The following BICRA variants were observed in gnomAD, a reference collection of about 807,000 sequenced individuals.
The protein encoded by BICRA is BRD4 interacting chromatin remodeling complex associated protein, also known as BRD4-interacting chromatin-remodeling complex-associated protein.
In BICRA, 31 loss-of-function variants were observed where a neutral mutation model predicts 96.9. That is an observed-to-expected ratio of 0.32 (90% CI 0.24 to 0.43). The LOEUF (loss-of-function observed/expected upper bound fraction) is 0.43. BICRA is among the 20% of genes least tolerant of loss of function. BICRA has a pLI of 1.00. For missense variants in BICRA, 2,283 were observed against 2,190.3 expected (o/e 1.04, Z -0.84); for synonymous variants, 1,350 against 1,071.8 (o/e 1.26, Z -5.07).
chr19:47,696,472 C>T lies in BICRA; in HGVS notation c.3208C>T (p.Leu1070=), dbSNP rs1158546195. ...CCAGTATGAGAGCAAACTGAGTGGCCTGAAGAAGCCCCCCACGCTTCAGCC... is the reference window on the plus strand; with the variant it reads ...CCAGTATGAGAGCAAACTGAGTGGCTTGAAGAAGCCCCCCACGCTTCAGCC... ...GLQYESKLSG[L]KKPPTLQPSK... The change falls in exon 11 of 15, where the codon CTG becomes TTG. Residue 1070 remains leucine, a synonymous_variant. Coordinates refer to ENST00000594866, the MANE Select transcript of BICRA (RefSeq NM_001394372.1). 6.2e-7 allele frequency: 1 copy of T among 1,603,840 alleles called. No individual in the cohort carries two copies. Among genetic ancestry groups the T allele is most frequent in the Admixed American group, 1.7e-5 (1 of 58,706 alleles).
At chr19:47,678,288 G>A (rs889547380) in intron 5 of BICRA, among the ~76,000 whole-genome samples, 12 of 151,928 alleles carry the variant, frequency 7.9e-5, no homozygotes, top group Non-Finnish European at 1.3e-4. Context: ...GCTAATTTTC[G>A]TATTTTTAGT....
chr19:47,668,799 GCTT>G (rs1440672652), intron 1 of BICRA, among the ~76,000 whole-genome samples: 2 of 151,900 alleles, frequency 1.3e-5, no homozygotes, highest in Non-Finnish European at 2.9e-5. Context: ...CTGTCTTTGT[GCTT>G]CTTATTGGTG....
intron 1 of BICRA, chr19:47,615,624 G>GGTA (rs1445593910): frequency 5.9e-5 from 9 of 152,318 alleles, no homozygotes; most frequent in Admixed American, 3.3e-4. Context: ...AGGCTCTTGT[G>GGTA]AGGGTCCCCA....
Position 47,675,756 on chromosome 19 carries a change from C to G in BICRA, c.85-95C>G. The G allele has an allele frequency of 1.1e-6, 1 of 936,636 alleles. No individual in the cohort carries two copies. The highest frequency in any genetic ancestry group is 1.7e-6 in the Non-Finnish European group (1 of 585,018). 58.0% of individuals were successfully genotyped at this position (936,636 alleles called of 1,614,324 possible). ...AGCCCTCTCCCATCCCAACCCTTGT[C>G]TTTTTGTCCTGAGTGACCCTAAATT... is the stretch of plus-strand genomic sequence containing the variant. On this transcript the variant is annotated intron_variant, in intron 4 of 14. Transcript: ENST00000594866. The surrounding 1 kb of genome is among the most constrained non-coding windows in gnomAD (Gnocchi z 4.7).
chr19:47,609,945 C>T (rs990700331), intron 1 of BICRA, among the ~76,000 whole-genome samples: 1 of 106,330 alleles, frequency 9.4e-6, no homozygotes, highest in African/African-American at 3.9e-5. Flanking sequence ...GAGGCTCATC[C>T]CGGAGGGGGC....
intron 1 of BICRA, among the ~76,000 whole-genome samples, chr19:47,634,794 G>T (rs1414410856): frequency 1.5e-5 from 2 of 129,378 alleles, no homozygotes; most frequent in Non-Finnish European, 1.5e-5. Flanking sequence ...ACAGAGTCTC[G>T]CTCTGTCACC....
chr19:47,608,308 T>G (rs1971839761), upstream of BICRA: 1 of 152,142 alleles, frequency 6.6e-6, no homozygotes. Context: ...ACGCCTGGGG[T>G]CCCGGCCTGT....
In BICRA at chr19:47,679,767, G is replaced by T. The variant is rs1411967800; in HGVS notation, c.597G>T (p.Gln199His). The change falls in exon 6 of 15, where the codon CAG (glutamine) becomes CAT (histidine). Residue 199 changes from glutamine (Q) to histidine (H), a missense_variant. By Grantham distance (24) the Gln-to-His change is conservative (BLOSUM62 0). Transcript: ENST00000594866. Reference sequence around the variant, plus strand: ...CCCTGAGTGTGCAGCCCTTCCTGCAGCCTGTGGGCCTGGGCAATGTGACAC... The same window carrying T: ...CCCTGAGTGTGCAGCCCTTCCTGCATCCTGTGGGCCTGGGCAATGTGACAC... ...NKALSVQPFL[Q>H]PVGLGNVTLQ... is the part of the protein sequence containing the mutation. 4.0e-6 allele frequency: 6 copies of T among 1,513,466 alleles called. No individual in the cohort carries two copies. Among genetic ancestry groups the T allele is most frequent in the Non-Finnish European group, 5.3e-6 (6 of 1,132,002 alleles). 93.8% of individuals were successfully genotyped at this position (1,513,466 alleles called of 1,614,324 possible).
intron 1 of BICRA, among the ~76,000 whole-genome samples, chr19:47,646,893 T>C (rs1411803799): frequency 1.3e-5 from 2 of 152,192 alleles, no homozygotes; most frequent in Non-Finnish European, 2.9e-5. Flanking sequence ...TAATCTATTA[T>C]AGAACATTTT....
rs1041339560 is a variant in BICRA at position 47,698,437 on chromosome 19, C to G, written c.3249-197C>G. Among the ~76,000 whole-genome samples, 1 of 152,208 alleles carries G rather than the reference C, an allele frequency of 6.6e-6. No homozygotes were observed. The highest frequency in any genetic ancestry group is 2.4e-5 in the African/African-American group (1 of 41,446). On this transcript the variant is annotated intron_variant, in intron 11 of 14. Transcript: ENST00000594866. This position sits in a 1 kb window ranked among gnomAD's most constrained non-coding sequence, Gnocchi z 4.8. ...CTGTAAAATGGGGATAGCGATAGCA[C>G]TGCTTTGGTCGGCCCCAGGGACTCA...
chr19:47,678,859 C>G (rs139272390), intron 5 of BICRA: 1 of 202,912 alleles, frequency 4.9e-6, no homozygotes, highest in Non-Finnish European at 9.8e-6. Flanking sequence ...CAGCCACTTG[C>G]AGGTGGAATG....
chr19:47,667,731 C>G (rs1401557580), intron 1 of BICRA, among the ~76,000 whole-genome samples: 1 of 152,138 alleles, frequency 6.6e-6, no homozygotes, highest in African/African-American at 2.4e-5. Flanking sequence ...CATGCCAGTC[C>G]CTTTATCTCC....
In BICRA at chr19:47,694,463, C is replaced by G. The variant is rs768279206; in HGVS notation, c.2632C>G (p.His878Asp). The stretch of plus-strand genomic sequence containing the variant: ...TGAGGGACCGCTGCCCCCAGCCCCC[C>G]ACCTCCCTCCATCCTCCACCTCCTC... ...PPEGPLPPAP[H>D]LPPSSTSSAV... The change falls in exon 8 of 15, where the codon CAC becomes GAC. Residue 878 changes from histidine to aspartate, a missense_variant. Transcript: ENST00000594866. 2.7e-6 allele frequency: 3 copies of G among 1,124,922 alleles called. No individual in the cohort carries two copies. The highest frequency in any genetic ancestry group is 1.8e-5 in the Admixed American group (1 of 56,140). 69.7% of individuals were successfully genotyped at this position (1,124,922 alleles called of 1,614,324 possible).
intron 1 of BICRA, among the ~76,000 whole-genome samples, chr19:47,621,855 G>A (rs1392450192): frequency 1.4e-5 from 2 of 141,108 alleles, no homozygotes; most frequent in Non-Finnish European, 3.1e-5. Context: ...GCAATAGTGC[G>A]ATCTTGGCTC....
intron 1 of BICRA, among the ~76,000 whole-genome samples, chr19:47,644,797 G>A (rs2974246): frequency 0.6 from 90,763 of 151,938 alleles, 27,364 homozygotes; most frequent in African/African-American, 0.65. Context: ...CACCGCGCCC[G>A]GATTTCATTC....
intron 1 of BICRA, among the ~76,000 whole-genome samples, chr19:47,652,928 T>C (rs1241065035): frequency 1.3e-5 from 2 of 152,144 alleles, no homozygotes; most frequent in Non-Finnish European, 2.9e-5. Context: ...TGGTAACGTT[T>C]TACACACACC....
chr19:47,702,344 C>A lies in BICRA; in HGVS notation c.4612C>A (p.Leu1538Met). The change falls in exon 15 of 15, where the codon CTG (leucine) becomes ATG (methionine). Residue 1538 changes from leucine to methionine, a missense_variant. Coordinates refer to ENST00000594866, the MANE Select transcript of BICRA (RefSeq NM_001394372.1). ...CGGCACCCCCGCATCCCCGCCGCCC[C>A]TGCACAGGCCCGAGGCCTACCCACC... is the stretch of plus-strand genomic sequence containing the variant. ...SAGTPASPPP[L>M]HRPEAYPPSS... 1 of 1,545,174 alleles carries A rather than the reference C, an allele frequency of 6.5e-7. No homozygotes were observed.
At chr19:47,668,321 G>A (rs969207910) in intron 1 of BICRA, among the ~76,000 whole-genome samples, 4 of 152,070 alleles carry the variant, frequency 2.6e-5, no homozygotes, top group African/African-American at 7.2e-5. Flanking sequence ...ACCCCAAAAC[G>A]GTGCTGATCA....
intron 9 of BICRA, 108 bp downstream of exon 9, chr19:47,695,188 G>A (rs891806377): frequency 3.6e-6 from 3 of 838,360 alleles, no homozygotes; most frequent in South Asian, 1.7e-5. Flanking sequence ...TCAGCACAGG[G>A]CATCAGCCAG....
Sources: allele counts gnomAD v4.1 joint callset (sites outside exome capture counted in the v4.1 genomes callset), GRCh38; gene constraint gnomAD v4.1.1; non-coding constraint Gnocchi (gnomAD v3.1); transcripts MANE v1.5; gene names NCBI Gene and HGNC (gene_info 2026-07-23, HGNC 2026-07-21).